SGCZ: variants seen among roughly 807,000 people sequenced by gnomAD.
The protein encoded by SGCZ is zeta-sarcoglycan.
In SGCZ, 40 loss-of-function variants were observed where a neutral mutation model predicts 41.3. The observed-to-expected ratio is 0.97, with a 90% confidence interval of 0.75 to 1.26. SGCZ has a LOEUF of 1.26. Ranked by LOEUF, SGCZ falls within the 50% of genes most tolerant of loss-of-function variation. The pLI is 0.00. For missense variants in SGCZ, 552 were observed against 369.8 expected, an observed-to-expected ratio of 1.49 and a Z score of -4.04; for synonymous variants, 206 against 137.5, an observed-to-expected ratio of 1.50 and a Z score of -3.49.
At chr8:14,177,322 C>A (rs1055203591) in intron 4 of SGCZ, among the ~76,000 whole-genome samples, 4 of 152,152 alleles carry the variant, frequency 2.6e-5, no homozygotes, top group African/African-American at 4.8e-5. Flanking sequence ...GAAACTCCTG[C>A]AAAAGACTGA....
intron 2 of SGCZ, among the ~76,000 whole-genome samples, chr8:14,391,747 G>T (rs553924848): frequency 6.6e-6 from 1 of 152,032 alleles, no homozygotes; most frequent in Non-Finnish European, 1.5e-5. Context: ...CACAAGACTG[G>T]GTAATTTATA....
At chr8:14,224,639 A>G (rs749624113) in intron 4 of SGCZ, among the ~76,000 whole-genome samples, 30 of 152,312 alleles carry the variant, frequency 2.0e-4, no homozygotes, top group Non-Finnish European at 3.8e-4. Flanking sequence ...CAGTAAGTTC[A>G]TATCTGTGGA....
chr8:14,690,565 C>T (rs1452056335), intron 1 of SGCZ: 1 of 152,098 alleles, frequency 6.6e-6, no homozygotes, highest in East Asian at 1.9e-4. Flanking sequence ...AAGAATGACA[C>T]CATGAAAGCT....
chr8:14,307,862 A>G (rs1250849247), intron 3 of SGCZ, among the ~76,000 whole-genome samples: 4 of 152,150 alleles, frequency 2.6e-5, no homozygotes, highest in Non-Finnish European at 5.9e-5. Flanking sequence ...ACAATTTTAA[A>G]GAGTAAGTGG....
chr8:15,146,848 G>A (rs926994875), intron 1 of SGCZ, among the ~76,000 whole-genome samples: 1 of 152,024 alleles, frequency 6.6e-6, no homozygotes, highest in Non-Finnish European at 1.5e-5. Flanking sequence ...AAGATCAGTT[G>A]TTTAGGCTAT....
intron 2 of SGCZ, among the ~76,000 whole-genome samples, chr8:14,408,797 T>G (rs188843704): frequency 1.4e-3 from 217 of 152,222 alleles, no homozygotes; most frequent in African/African-American, 4.9e-3. Context: ...TAATTTTTGT[T>G]TGTATTCAGT....
intron 4 of SGCZ, among the ~76,000 whole-genome samples, chr8:14,200,249 G>A (rs1456048450): frequency 1.4e-4 from 21 of 152,122 alleles, no homozygotes; most frequent in Non-Finnish European, 3.1e-4. Flanking sequence ...TGTGTTCATG[G>A]ATTAAAAGAC....
intron 1 of SGCZ, among the ~76,000 whole-genome samples, chr8:15,121,462 T>C (rs1390324669): frequency 6.6e-6 from 1 of 152,132 alleles, no homozygotes; most frequent in Non-Finnish European, 1.5e-5. Context: ...AGAAGACTCA[T>C]TGAGCATCCA....
At chr8:14,154,341 C>A (rs1032751161) in intron 5 of SGCZ, among the ~76,000 whole-genome samples, 2 of 152,028 alleles carry the variant, frequency 1.3e-5, no homozygotes, top group African/African-American at 4.8e-5. Context: ...TGCACTCCAG[C>A]CTGAGCGACA....
chr8:14,527,919 G>T (rs1003537735), intron 2 of SGCZ, among the ~76,000 whole-genome samples: 6 of 152,004 alleles, frequency 3.9e-5, no homozygotes, highest in African/African-American at 1.4e-4. Context: ...GGAGGTGGGG[G>T]AGTAATACCA....
chr8:14,832,166 C>G (rs187847252), intron 1 of SGCZ, among the ~76,000 whole-genome samples: 1 of 152,096 alleles, frequency 6.6e-6, no homozygotes, highest in African/African-American at 2.4e-5. Context: ...CATTTGCAGA[C>G]ATCGTGACAT....
intron 1 of SGCZ, among the ~76,000 whole-genome samples, chr8:14,708,597 C>T (rs972372374): frequency 6.6e-6 from 1 of 151,766 alleles, no homozygotes; most frequent in African/African-American, 2.4e-5. Context: ...GGAAAGGGCT[C>T]TCAGGAATCA....
chr8:14,143,311 T>C (rs1402795550), intron 5 of SGCZ, among the ~76,000 whole-genome samples: 2 of 152,214 alleles, frequency 1.3e-5, no homozygotes, highest in Non-Finnish European at 2.9e-5. Flanking sequence ...CTTGGATTTC[T>C]AACCATTTTT....
chr8:14,688,308 T>G (rs1440631644), intron 1 of SGCZ, among the ~76,000 whole-genome samples: 2 of 152,202 alleles, frequency 1.3e-5, no homozygotes, highest in Non-Finnish European at 2.9e-5. Flanking sequence ...GGTTTTCTTC[T>G]AGGGTTTTTA....
intron 1 of SGCZ, among the ~76,000 whole-genome samples, chr8:15,102,969 G>C (rs1477705062): frequency 1.3e-5 from 2 of 152,012 alleles, no homozygotes; most frequent in Non-Finnish European, 2.9e-5. Flanking sequence ...CTATTTTTCT[G>C]TGCATATAGG....
At chr8:14,115,472 A>C (rs1008517541) in intron 5 of SGCZ, among the ~76,000 whole-genome samples, 5 of 152,004 alleles carry the variant, frequency 3.3e-5, no homozygotes, top group African/African-American at 1.2e-4. Flanking sequence ...TTAATGATGA[A>C]ACTGAGAAGA....
chr8:14,757,660 C>G (rs562574035), intron 1 of SGCZ, among the ~76,000 whole-genome samples: 28 of 152,288 alleles, frequency 1.8e-4, no homozygotes, highest in African/African-American at 6.5e-4. Context: ...ACAACTCTTT[C>G]GGTTTCACAG....
chr8:14,620,662 T>C (rs536257705), intron 1 of SGCZ, among the ~76,000 whole-genome samples: 9 of 152,276 alleles, frequency 5.9e-5, no homozygotes, highest in Non-Finnish European at 1.0e-4. Flanking sequence ...AGAAGACATT[T>C]CTGCAGCCAA....
At chr8:14,854,387 T>C (rs1803469047) in intron 1 of SGCZ, among the ~76,000 whole-genome samples, 1 of 152,074 alleles carries the variant, frequency 6.6e-6, no homozygotes, top group Non-Finnish European at 1.5e-5. Flanking sequence ...GTAGTTTATT[T>C]AGACTCAACA....
Sources: allele counts gnomAD v4.1 joint callset (sites outside exome capture counted in the v4.1 genomes callset), GRCh38; gene constraint gnomAD v4.1.1; transcripts MANE v1.5; gene names NCBI Gene and HGNC (gene_info 2026-07-23, HGNC 2026-07-21).